SYNE1: variants seen among roughly 807,000 people sequenced by gnomAD.
SYNE1 encodes the protein nesprin-1.
Under a neutral mutation model 1,111.0 loss-of-function variants are expected in SYNE1, and 616 were observed. That is an observed-to-expected ratio of 0.55 (90% CI 0.52 to 0.59). The LOEUF (loss-of-function observed/expected upper bound fraction) is 0.59. Ranked by LOEUF, SYNE1 falls within the 20% of genes least tolerant of loss-of-function variation. The probability of loss-of-function intolerance (pLI) is 0.00; values close to 1 mark genes in which losing one functional copy is unlikely to be tolerated. For synonymous variants in SYNE1, 3,855 were observed against 3,825.8 expected, an observed-to-expected ratio of 1.01 and a Z score of -0.28; for missense variants, 10,006 against 10,417.0, an observed-to-expected ratio of 0.96 and a Z score of 1.72.
chr6:152,316,491 C>T, intron 87 of SYNE1: 1 of 314,400 alleles, frequency 3.2e-6, no homozygotes, highest in Admixed American at 4.8e-5. Flanking sequence ...AGTGTGGAGT[C>T]TAGAATCTTT....
chr6:152,413,880 G>C (rs991464952), intron 41 of SYNE1, among the ~76,000 whole-genome samples: 4 of 151,892 alleles, frequency 2.6e-5, no homozygotes, highest in Admixed American at 1.3e-4. Flanking sequence ...AAAATCTTTG[G>C]TAAGAAATGT....
chr6:152,540,118 A>G, intron 3 of SYNE1, 97 bp from the exon 4 acceptor site: 1 of 1,261,974 alleles, frequency 7.9e-7, no homozygotes, highest in Non-Finnish European at 1.1e-6. Context: ...AGGAATCGTG[A>G]AATCGTTTTC....
rs950718203 is a variant in SYNE1 at position 152,318,994 on chromosome 6, C to T, written c.16258G>A (p.Val5420Ile). Residue 5420 changes from valine (V) to isoleucine (I), a missense_variant, in exon 85 of 146, where the codon GTT (valine) becomes ATT (isoleucine). Physicochemically the swap from Val to Ile is conservative, Grantham distance 29. Transcript: ENST00000367255. ...TGGCTCGTGGCCTTGCTCTGCTCAA[C>T]TTCTTTTATTTTGTCTTGGATCTAA... is the stretch of plus-strand genomic sequence containing the variant. ...RDQIQDKIKE[V>I]EQSKATSQEL... 6.2e-7 allele frequency: 1 copy of T among 1,614,144 alleles called. No homozygotes were observed. The highest frequency in any genetic ancestry group is 1.3e-5 in the African/African-American group (1 of 75,044).
intron 5 of SYNE1, 81 bp from the exon 6 acceptor site, chr6:152,520,623 T>C (rs772119124): frequency 6.8e-5 from 99 of 1,456,464 alleles, no homozygotes; most frequent in Non-Finnish European, 8.4e-5. Context: ...TTAAATGGAT[T>C]AAAAATATAC....
At chr6:152,247,750 T>TACACACAC (rs61420132) in intron 105 of SYNE1, among the ~76,000 whole-genome samples, 1,467 of 112,328 alleles carry the variant, frequency 0.013, 27 homozygotes, top group African/African-American at 0.038. Flanking sequence ...TATATATATA[T>TACACACAC]ACACACACAC....
intron 55 of SYNE1, among the ~76,000 whole-genome samples, chr6:152,382,660 GA>G (rs773667840): frequency 2.6e-5 from 4 of 152,130 alleles, no homozygotes. Flanking sequence ...ATTTGATGAA[GA>G]AAAAAATCTA....
At position 152,354,990 on chromosome 6, in the gene SYNE1, G is replaced by A. The variant is rs1456696022; in HGVS notation, c.10609-14C>T. 2 of 1,612,790 alleles carry A rather than the reference G, an allele frequency of 1.2e-6. No individual in the cohort carries two copies. The highest frequency in any genetic ancestry group is 1.7e-6 in the Non-Finnish European group (2 of 1,180,014). ...TACCTGTAGCTCCTGCAGAGAAAAA[G>A]GTATGGCTGTCACTCTCAATCATAT... On this transcript the variant is annotated splice_polypyrimidine_tract_variant and intron_variant, in intron 66 of 145. Transcript: ENST00000367255.
chr6:152,399,781 A>G lies in SYNE1; in HGVS notation c.7072T>C (p.Ser2358Pro). ...ELQSQQSNIS[S>P]TQENLNSLCR... ...AAGCTATTGAGATTTTCTTGGGTAG[A>G]GCTGATGTTGCTTTGTTGACTTTGA... is the stretch of plus-strand genomic sequence containing the variant. Residue 2358 changes from serine to proline, a missense_variant, in exon 48 of 146, where the codon TCT (serine) becomes CCT (proline). Around this residue, in one of 7 missense-constraint regions of SYNE1, gnomAD observed 4,955 missense variants for 5,017.2 expected, o/e 0.99. Transcript: ENST00000367255. 6.2e-7 allele frequency: 1 copy of G among 1,614,122 alleles called. No homozygotes were observed. Among genetic ancestry groups the G allele is most frequent in the Non-Finnish European group, 8.5e-7 (1 of 1,179,998 alleles).
At chr6:152,564,779 G>A (rs1468055137) in intron 3 of SYNE1, among the ~76,000 whole-genome samples, 1 of 152,154 alleles carries the variant, frequency 6.6e-6, no homozygotes, top group African/African-American at 2.4e-5. Flanking sequence ...GTCTAGGAGT[G>A]CAACAGATCC....
intron 5 of SYNE1, 50 bp from the exon 6 acceptor site, chr6:152,520,592 A>G: frequency 6.3e-7 from 1 of 1,578,134 alleles, no homozygotes; most frequent in Non-Finnish European, 8.7e-7. Context: ...TGCATATTAA[A>G]ATGTTAGTTA....
At chr6:152,334,954 T>C (rs1418521562) in intron 76 of SYNE1, among the ~76,000 whole-genome samples, 1 of 152,134 alleles carries the variant, frequency 6.6e-6, no homozygotes. Flanking sequence ...TGGGCAGTGG[T>C]GTTATGTACA....
At chr6:152,469,430 C>T (rs1181221489) in intron 16 of SYNE1, among the ~76,000 whole-genome samples, 1 of 151,942 alleles carries the variant, frequency 6.6e-6, no homozygotes, top group African/African-American at 2.4e-5. Flanking sequence ...AAACCATGAC[C>T]AAACACAGTT....
chr6:152,252,057 G>T (rs1362643595), intron 104 of SYNE1, among the ~76,000 whole-genome samples: 5 of 152,124 alleles, frequency 3.3e-5, no homozygotes, highest in African/African-American at 1.2e-4. Flanking sequence ...ATGACCTGAG[G>T]TCGGGAGTTC....
intron 37 of SYNE1, 103 bp from the exon 38 acceptor site, chr6:152,427,919 A>T: frequency 6.6e-7 from 1 of 1,510,804 alleles, no homozygotes; most frequent in Non-Finnish European, 9.1e-7. Flanking sequence ...TAGTAAATAC[A>T]GCCTCAGTTA....
chr6:152,223,640 G>C (rs1308061346), intron 117 of SYNE1, among the ~76,000 whole-genome samples: 1 of 151,908 alleles, frequency 6.6e-6, no homozygotes, highest in African/African-American at 2.4e-5. Context: ...GGGGAGGGGA[G>C]GGAAGGAGAG....
intron 20 of SYNE1, among the ~76,000 whole-genome samples, chr6:152,462,006 T>C (rs1240867137): frequency 6.6e-6 from 1 of 152,072 alleles, no homozygotes; most frequent in Non-Finnish European, 1.5e-5. Flanking sequence ...AAATCCCATG[T>C]TAATGTAGTA....
At chr6:152,367,487 T>C in intron 61 of SYNE1, 105 bp from the exon 62 acceptor site, 1 of 1,326,846 alleles carries the variant, frequency 7.5e-7, no homozygotes, top group East Asian at 2.3e-5. Context: ...CTTCATACGC[T>C]GCACAGATAC....
At chr6:152,387,009 A>G in intron 54 of SYNE1, 63 bp downstream of exon 54, 1 of 1,365,274 alleles carries the variant, frequency 7.3e-7, no homozygotes, top group Non-Finnish European at 9.9e-7. Context: ...TATATTATTA[A>G]TATAAATCAA....
chr6:152,482,211 AGCTC>A (rs1265662444), intron 14 of SYNE1, among the ~76,000 whole-genome samples: 7 of 152,154 alleles, frequency 4.6e-5, no homozygotes, highest in Non-Finnish European at 7.3e-5. Flanking sequence ...CTGTATATCT[AGCTC>A]CAAAAGTAAA....
Sources: allele counts gnomAD v4.1 joint callset (sites outside exome capture counted in the v4.1 genomes callset), GRCh38; gene constraint gnomAD v4.1.1; regional missense constraint gnomAD v4.1.1; transcripts MANE v1.5; gene names NCBI Gene and HGNC (gene_info 2026-07-23, HGNC 2026-07-21).